CHRM1: variants seen among roughly 807,000 people sequenced by gnomAD.
CHRM1 encodes the protein cholinergic receptor muscarinic 1.
Under a neutral mutation model 31.6 loss-of-function variants are expected in CHRM1, and 5 were observed. That is an observed-to-expected ratio of 0.16 (90% CI 0.08 to 0.33). The LOEUF (loss-of-function observed/expected upper bound fraction) is 0.33. Among genes scored for constraint, CHRM1 ranks in the 10% least tolerant of loss-of-function variants. The pLI, the probability that CHRM1 is intolerant of heterozygous loss-of-function variation, is 1.00. For missense variants in CHRM1, 338 were observed against 610.3 expected (o/e 0.55, Z 4.70); for synonymous variants, 227 against 249.7 (o/e 0.91, Z 0.86).
chr11:62,917,607 G>C (rs72931328), intron 1 of CHRM1, among the ~76,000 whole-genome samples: 1 of 152,044 alleles, frequency 6.6e-6, no homozygotes, highest in African/African-American at 2.4e-5. Flanking sequence ...GCTGAGCAAG[G>C]CTGGGAATGG....
chr11:62,914,212 G>A (rs1316832592), intron 1 of CHRM1, among the ~76,000 whole-genome samples: 1 of 152,056 alleles, frequency 6.6e-6, no homozygotes, highest in Non-Finnish European at 1.5e-5. Flanking sequence ...CCAAAGTGCT[G>A]GGATTACAGG....
At position 62,909,623 on chromosome 11, in the gene CHRM1, C is replaced by T; in HGVS notation, c.*95G>A. On this transcript the variant is annotated 3_prime_UTR_variant, in exon 2 of 2. Coordinates refer to ENST00000306960, the MANE Select transcript of CHRM1 (RefSeq NM_000738.3). The stretch of plus-strand genomic sequence containing the variant: ...AGGGTCCTGGGAAGCCAGGTGAGGC[C>T]TGAGCAGGGCCCTGGGGCTGAGGAT... The T allele has an allele frequency of 6.8e-7, 1 of 1,476,842 alleles. No individual in the cohort carries two copies. Among genetic ancestry groups the T allele is most frequent in the Non-Finnish European group, 9.1e-7 (1 of 1,095,446 alleles). 91.5% of individuals were successfully genotyped at this position (1,476,842 alleles called of 1,614,324 possible).
Position 62,910,740 on chromosome 11 carries a change from A to G in CHRM1, c.361T>C (p.Phe121Leu). 1 of 1,614,190 alleles carries G rather than the reference A, an allele frequency of 6.2e-7. No individual in the cohort carries two copies. The highest frequency in any genetic ancestry group is 8.5e-7 in the Non-Finnish European group (1 of 1,180,046). The change falls in exon 2 of 2, where the codon TTT becomes CTT. Residue 121 changes from phenylalanine (F) to leucine (L), a missense_variant. Phe to Leu is a conservative substitution (Grantham distance 22). Transcript: ENST00000306960. The surrounding 1 kb of genome is among the most constrained non-coding windows in gnomAD (Gnocchi z 8.7). ...ASVMNLLLISFDRYFSVTRPL... is the reference protein window; with the variant it reads ...ASVMNLLLISLDRYFSVTRPL... ...CGAGTCACGGAGAAGTAGCGGTCAAAGCTGATGAGCAGCAGATTCATGACG... is the reference window on the plus strand; with the variant it reads ...CGAGTCACGGAGAAGTAGCGGTCAAGGCTGATGAGCAGCAGATTCATGACG...
At chr11:62,915,374 T>C (rs2085895144) in intron 1 of CHRM1, among the ~76,000 whole-genome samples, 1 of 152,040 alleles carries the variant, frequency 6.6e-6, no homozygotes, top group Admixed American at 6.6e-5. Context: ...ATGAACAACA[T>C]GTTAAATAAA....
chr11:62,919,442 C>T lies in CHRM1; in HGVS notation c.-79+1776G>A, dbSNP rs549079648. Among the ~76,000 whole-genome samples, 572 of 152,302 alleles carry T rather than the reference C, an allele frequency of 3.8e-3. 1 individual carries two copies. Among genetic ancestry groups the T allele is most frequent in the African/African-American group, 0.013 (534 of 41,556 alleles). ...ACCCATGATGGATCTTAAGCAGTTGCCTGACTTTGGCCAGACCATGACAGA... is the reference window on the plus strand; with the variant it reads ...ACCCATGATGGATCTTAAGCAGTTGTCTGACTTTGGCCAGACCATGACAGA... On this transcript the variant is annotated intron_variant, in intron 1 of 1. Transcript: ENST00000306960.
intron 1 of CHRM1, among the ~76,000 whole-genome samples, chr11:62,913,488 A>G (rs2085883488): frequency 1.3e-5 from 2 of 152,166 alleles, no homozygotes; most frequent in Admixed American, 1.3e-4. Flanking sequence ...CCTGGCCAAC[A>G]TAGTGAAACT....
At chr11:62,913,822 C>G (rs974988281) in intron 1 of CHRM1, among the ~76,000 whole-genome samples, 3 of 151,716 alleles carry the variant, frequency 2.0e-5, no homozygotes, top group African/African-American at 7.3e-5. Context: ...TAACAGGAGC[C>G]TAGGATCAAG....
chr11:62,909,576 G>A lies in CHRM1; in HGVS notation c.*142C>T. Reference sequence around the variant, plus strand: ...TCTGGAAAGTTGGCAGGGTCTCTCTGGGCTGCCCAGGAAGGTGACCCAGGG... The same window carrying A: ...TCTGGAAAGTTGGCAGGGTCTCTCTAGGCTGCCCAGGAAGGTGACCCAGGG... On this transcript the variant is annotated 3_prime_UTR_variant, in exon 2 of 2. Coordinates refer to ENST00000306960, the MANE Select transcript of CHRM1 (RefSeq NM_000738.3). The A allele has an allele frequency of 9.8e-7, 1 of 1,020,422 alleles. No individual in the cohort carries two copies. Among genetic ancestry groups the A allele is most frequent in the South Asian group, 1.6e-5 (1 of 63,600 alleles). 63.2% of individuals were successfully genotyped at this position (1,020,422 alleles called of 1,614,324 possible). A position where few individuals can be genotyped will look rare whatever the true frequency, so the allele number is the denominator to read the frequency against.
rs1565264230 is a variant in CHRM1, at chr11:62,909,841, G to C, written c.1260C>G (p.Leu420=). The C allele has an allele frequency of 6.2e-7, 1 of 1,614,146 alleles. No homozygotes were observed. The highest frequency in any genetic ancestry group is 1.7e-5 in the Admixed American group (1 of 60,010). The change falls in exon 2 of 2, where the codon CTC becomes CTG. Residue 420 remains leucine, a synonymous_variant. Coordinates refer to ENST00000306960, the MANE Select transcript of CHRM1 (RefSeq NM_000738.3). ...AGGTGTCCCGGAAGGCTTTGTTGCA[G>C]AGTGCGTAGCACATGGGGTTGATGG... ...NSTINPMCYA[L]CNKAFRDTFR...
Position 62,909,938 on chromosome 11 carries a change from G to T in CHRM1, c.1163C>A (p.Ser388Tyr). ...WTPYNIMVLVSTFCKDCVPET... is the reference protein window; with the variant it reads ...WTPYNIMVLVYTFCKDCVPET... ...GGGAACACAGTCCTTGCAGAAGGTG[G>T]ACACCAGCACCATGATGTTGTACGG... The change falls in exon 2 of 2, where the codon TCC becomes TAC. Residue 388 changes from serine (S) to tyrosine (Y), a missense_variant. Around this residue, in one of 4 missense-constraint regions of CHRM1, gnomAD observed 68 missense variants for 108.5 expected, o/e 0.63. Transcript: ENST00000306960. 6.2e-7 allele frequency: 1 copy of T among 1,614,184 alleles called. No homozygotes were observed. The highest frequency in any genetic ancestry group is 8.5e-7 in the Non-Finnish European group (1 of 1,180,030).
chr11:62,921,794 T>TC (rs1359123440), upstream of CHRM1: 1 of 123,418 alleles, frequency 8.1e-6, no homozygotes, highest in African/African-American at 3.2e-5. Flanking sequence ...ACACACGCCC[T>TC]CCCCCCTGCA....
intron 1 of CHRM1, among the ~76,000 whole-genome samples, chr11:62,920,413 C>T (rs553169380): frequency 1.3e-5 from 2 of 152,318 alleles, no homozygotes; most frequent in African/African-American, 2.4e-5. Context: ...CTAGCCCATC[C>T]CCATGTTGTG....
intron 1 of CHRM1, among the ~76,000 whole-genome samples, chr11:62,920,338 C>T (rs990112810): frequency 2.6e-5 from 4 of 152,194 alleles, no homozygotes; most frequent in South Asian, 2.1e-4. Context: ...TGAGAGCTGA[C>T]GACCCCCTCC....
chr11:62,909,517 C>T lies in CHRM1; in HGVS notation c.*201G>A. On this transcript the variant is annotated 3_prime_UTR_variant, in exon 2 of 2. Transcript: ENST00000306960. ...CAGCAGGGAACAGAAAAACCAGTTCCCCGGGTTTCCCTCCCTGCCTGGGAA... is the reference window on the plus strand; with the variant it reads ...CAGCAGGGAACAGAAAAACCAGTTCTCCGGGTTTCCCTCCCTGCCTGGGAA... 2 of 624,648 alleles carry T rather than the reference C, an allele frequency of 3.2e-6. No homozygotes were observed. 38.7% of individuals were successfully genotyped at this position (624,648 alleles called of 1,614,324 possible).
rs892583215 is a variant in CHRM1 at position 62,911,740 on chromosome 11, A to G, written c.-78-562T>C. On this transcript the variant is annotated intron_variant, in intron 1 of 1. Coordinates refer to ENST00000306960, the MANE Select transcript of CHRM1 (RefSeq NM_000738.3). The stretch of plus-strand genomic sequence containing the variant: ...GGCCATGGTGACAGAGATAGTAAGT[A>G]TGATAAGAACCCGCAAGAACAGAAA... 2.0e-5 allele frequency among the ~76,000 whole-genome samples: 3 copies of G among 152,210 alleles called. No individual in the cohort carries two copies. The East Asian group carries it at 5.8e-4, about 29-fold the overall frequency.
intron 1 of CHRM1, chr11:62,918,453 T>A (rs2085912683): frequency 6.6e-6 from 1 of 152,234 alleles, no homozygotes; most frequent in African/African-American, 2.4e-5. Context: ...CAGAGGCCCC[T>A]CTTCTCCCTT....
At chr11:62,912,633 A>G (rs778851474) in intron 1 of CHRM1, among the ~76,000 whole-genome samples, 1 of 152,224 alleles carries the variant, frequency 6.6e-6, no homozygotes, top group African/African-American at 2.4e-5. Context: ...GGGGCCCTTA[A>G]CAACCTGCTG....
Position 62,910,699 on chromosome 11 carries a change from A to G in CHRM1, c.402T>C (p.Arg134=). 1 of 1,614,100 alleles carries G rather than the reference A, an allele frequency of 6.2e-7. No individual in the cohort carries two copies. Among genetic ancestry groups the G allele is most frequent in the Non-Finnish European group, 8.5e-7 (1 of 1,179,994 alleles). ...CTGCCCGGCGGGGTGTGCGCTTGGC[A>G]CGGTAGCTCAGGGGCCGAGTCACGG... The part of the protein sequence containing the change: ...YFSVTRPLSY[R]AKRTPRRAAL... Residue 134 remains arginine, a synonymous_variant, in exon 2 of 2, where the codon CGT becomes CGC. Coordinates refer to ENST00000306960, the MANE Select transcript of CHRM1 (RefSeq NM_000738.3). This position sits in a 1 kb window ranked among gnomAD's most constrained non-coding sequence, Gnocchi z 8.7.
At chr11:62,916,236 T>C (rs1019247199) in intron 1 of CHRM1, among the ~76,000 whole-genome samples, 3 of 152,296 alleles carry the variant, frequency 2.0e-5, no homozygotes, top group African/African-American at 7.2e-5. Flanking sequence ...ATGGAGGAGT[T>C]GGACAAGCCT....
Sources: allele counts gnomAD v4.1 joint callset (sites outside exome capture counted in the v4.1 genomes callset), GRCh38; gene constraint gnomAD v4.1.1; regional missense constraint gnomAD v4.1.1; non-coding constraint Gnocchi (gnomAD v3.1); transcripts MANE v1.5; gene names NCBI Gene and HGNC (gene_info 2026-07-23, HGNC 2026-07-21).